NRXN3: variants seen among roughly 807,000 people sequenced by gnomAD.
NRXN3 encodes neurexin 3.
Under a neutral mutation model 137.6 loss-of-function variants are expected in NRXN3, and 32 were observed. The observed-to-expected ratio is 0.23, with a 90% CI of 0.18 to 0.31. NRXN3 has a LOEUF of 0.31. NRXN3 is among the 10% of genes least tolerant of loss of function. The pLI is 1.00. For missense variants in NRXN3, 1,574 were observed against 2,062.5 expected, an observed-to-expected ratio of 0.76 and a Z score of 4.59; for synonymous variants, 798 against 784.5, an observed-to-expected ratio of 1.02 and a Z score of -0.29.
At chr14:79,028,067 A>G (rs2099601444) in intron 15 of NRXN3, among the ~76,000 whole-genome samples, 1 of 152,208 alleles carries the variant, frequency 6.6e-6, no homozygotes, top group Admixed American at 6.6e-5. Context: ...TTGAAATAAT[A>G]TATGTAAATC....
At chr14:78,443,498 C>G (rs1209712291) in intron 4 of NRXN3, among the ~76,000 whole-genome samples, 2 of 152,128 alleles carry the variant, frequency 1.3e-5, no homozygotes, top group Non-Finnish European at 1.5e-5. Context: ...ATCAATATAT[C>G]TAGTATAGTT....
intron 5 of NRXN3, among the ~76,000 whole-genome samples, chr14:78,648,636 C>A (rs1220228655): frequency 6.6e-6 from 1 of 152,164 alleles, no homozygotes; most frequent in Admixed American, 6.5e-5. Flanking sequence ...TCTATGGAAA[C>A]CTAGAGTACA....
intron 16 of NRXN3, among the ~76,000 whole-genome samples, chr14:79,524,865 A>T (rs2097103738): frequency 6.6e-6 from 1 of 152,210 alleles, no homozygotes; most frequent in African/African-American, 2.4e-5. Flanking sequence ...TGATTGGACA[A>T]AAAGGGTATG....
intron 15 of NRXN3, among the ~76,000 whole-genome samples, chr14:79,262,178 C>A (rs1568841560): frequency 2.0e-5 from 3 of 152,052 alleles, no homozygotes; most frequent in Non-Finnish European, 2.9e-5. Flanking sequence ...TTCTCTTGGG[C>A]CCCTCCTGCC....
At chr14:79,160,143 T>C (rs1327817464) in intron 15 of NRXN3, among the ~76,000 whole-genome samples, 10 of 151,944 alleles carry the variant, frequency 6.6e-5, no homozygotes, top group Non-Finnish European at 1.3e-4. Context: ...GAGGTGCTTA[T>C]GAAATGGCCT....
At chr14:79,062,382 A>G (rs909335068) in intron 15 of NRXN3, among the ~76,000 whole-genome samples, 4 of 152,136 alleles carry the variant, frequency 2.6e-5, no homozygotes, top group South Asian at 2.1e-4. Context: ...AGTTTTCTCT[A>G]TGACTGCCCT....
intron 15 of NRXN3, among the ~76,000 whole-genome samples, chr14:79,026,391 T>A (rs1436671919): frequency 6.6e-6 from 1 of 152,140 alleles, no homozygotes; most frequent in East Asian, 1.9e-4. Flanking sequence ...TTAGAGTTAC[T>A]GTGATGATTA....
At chr14:78,203,687 T>C (rs1176121131) in intron 1 of NRXN3, among the ~76,000 whole-genome samples, 1 of 152,132 alleles carries the variant, frequency 6.6e-6, no homozygotes, top group African/African-American at 2.4e-5. Context: ...GTGATACAAA[T>C]GATAAACACT....
chr14:79,302,756 C>T lies in NRXN3; in HGVS notation c.3263-164465C>T, dbSNP rs530593759. ...CTCTCCTGCTGCCATGTAAGATATG[C>T]CTTGGTTTTCCCTCACCTTCTGCCA... is the stretch of plus-strand genomic sequence containing the variant. On this transcript the variant is annotated intron_variant, in intron 15 of 20. Transcript: ENST00000335750. 1.7e-3 allele frequency among the ~76,000 whole-genome samples: 264 copies of T among 152,048 alleles called. 1 individual carries two copies. Among genetic ancestry groups the T allele is most frequent in the Non-Finnish European group, 2.8e-3 (188 of 67,942 alleles).
chr14:78,974,664 T>C (rs1407466112), intron 14 of NRXN3, among the ~76,000 whole-genome samples: 8 of 151,674 alleles, frequency 5.3e-5, no homozygotes. Context: ...ACAGTCTCTT[T>C]GTTTGTGGCA....
intron 15 of NRXN3, among the ~76,000 whole-genome samples, chr14:79,288,189 C>T (rs1344630856): frequency 6.6e-6 from 1 of 152,190 alleles, no homozygotes; most frequent in Non-Finnish European, 1.5e-5. Context: ...CAGAGTGGCA[C>T]ACTGTGATGT....
intron 15 of NRXN3, among the ~76,000 whole-genome samples, chr14:79,259,108 T>C (rs2077175574): frequency 6.6e-6 from 1 of 152,164 alleles, no homozygotes; most frequent in Non-Finnish European, 1.5e-5. Context: ...AAGAGGCAGC[T>C]ATACAGGGGA....
intron 4 of NRXN3, among the ~76,000 whole-genome samples, chr14:78,407,565 C>G (rs1282470488): frequency 1.3e-5 from 2 of 152,122 alleles, no homozygotes; most frequent in Non-Finnish European, 2.9e-5. Flanking sequence ...AGCCAGGATT[C>G]AGAGGGCCCT....
chr14:78,658,128 T>G (rs2097799844), intron 6 of NRXN3, among the ~76,000 whole-genome samples: 1 of 152,202 alleles, frequency 6.6e-6, no homozygotes, highest in South Asian at 2.1e-4. Context: ...TATTCCTTTT[T>G]CCTGTCATGA....
intron 15 of NRXN3, among the ~76,000 whole-genome samples, chr14:79,363,222 A>G (rs2093750777): frequency 1.3e-5 from 2 of 151,768 alleles, no homozygotes; most frequent in Non-Finnish European, 2.9e-5. Flanking sequence ...CTGGTCTCAA[A>G]CTCCTGACCT....
intron 4 of NRXN3, among the ~76,000 whole-genome samples, chr14:78,454,026 C>T (rs1232834243): frequency 6.6e-6 from 1 of 152,200 alleles, no homozygotes; most frequent in Non-Finnish European, 1.5e-5. Flanking sequence ...AAAACTAATA[C>T]ACCACTGAAC....
chr14:78,874,344 T>C (rs986868904), intron 10 of NRXN3, among the ~76,000 whole-genome samples: 4 of 152,176 alleles, frequency 2.6e-5, no homozygotes, highest in Non-Finnish European at 4.4e-5. Flanking sequence ...AGATTCTTCT[T>C]TCTTTTACAT....
intron 4 of NRXN3, among the ~76,000 whole-genome samples, chr14:78,559,150 T>C (rs1400268582): frequency 6.6e-6 from 1 of 152,224 alleles, no homozygotes; most frequent in Non-Finnish European, 1.5e-5. Flanking sequence ...ATATCTTCAA[T>C]GGCCTTTCCC....
chr14:78,574,420 C>T (rs111250112), intron 4 of NRXN3, among the ~76,000 whole-genome samples: 5,093 of 152,278 alleles, frequency 0.033, 105 homozygotes, highest in African/African-American at 0.052. Context: ...TGAAAGCAGC[C>T]GAAAGAGGGG....
Sources: allele counts gnomAD v4.1 joint callset (sites outside exome capture counted in the v4.1 genomes callset), GRCh38; gene constraint gnomAD v4.1.1; transcripts MANE v1.5; gene names NCBI Gene and HGNC (gene_info 2026-07-23, HGNC 2026-07-21).